Variants in AQP7B observed in about 807,000 individuals in gnomAD.
AQP7B encodes aquaporin 7B.
At chr2:94,599,661 C>G in the AQP7B span, among the ~76,000 whole-genome samples, 1 of 152,048 alleles carries the variant, frequency 6.6e-6, no homozygotes. Flanking sequence ...TATTCAGGTA[C>G]TTTACTCTGT....
At chr2:94,596,085 G>A in the AQP7B span, among the ~76,000 whole-genome samples, 787 of 152,360 alleles carry the variant, frequency 5.2e-3, 47 homozygotes, top group East Asian at 0.13. Context: ...GACAGAGGGG[G>A]GCAGTGGTTC....
chr2:94,602,018 A>AGGGTGTGT, the AQP7B span, among the ~76,000 whole-genome samples: 1 of 139,846 alleles, frequency 7.2e-6, no homozygotes, highest in Non-Finnish European at 1.6e-5. Context: ...ATTGCGGCGG[A>AGGGTGTGT]GTGTGTGTGT....
At chr2:94,588,039 G>C in the AQP7B span, among the ~76,000 whole-genome samples, 1 of 151,984 alleles carries the variant, frequency 6.6e-6, no homozygotes, top group Non-Finnish European at 1.5e-5. Flanking sequence ...AGTTTTCAGG[G>C]CCTCATCCTG....
the AQP7B span, among the ~76,000 whole-genome samples, chr2:94,592,595 A>G: frequency 6.6e-6 from 1 of 152,122 alleles, no homozygotes; most frequent in African/African-American, 2.4e-5. Flanking sequence ...CTGGGAAGGT[A>G]CCATAGAGGC....
the AQP7B span, among the ~76,000 whole-genome samples, chr2:94,598,927 C>T: frequency 6.6e-6 from 1 of 152,098 alleles, no homozygotes; most frequent in Non-Finnish European, 1.5e-5. Context: ...CTCAGCCTCC[C>T]GAGTAGCTGG....
the AQP7B span, chr2:94,604,192 G>A: frequency 1.6e-6 from 2 of 1,286,386 alleles, no homozygotes; most frequent in Non-Finnish European, 2.1e-6. Flanking sequence ...GTAGCCTGGG[G>A]ATGACTCCTC....
At chr2:94,597,671 C>A in the AQP7B span, among the ~76,000 whole-genome samples, 3 of 142,428 alleles carry the variant, frequency 2.1e-5, no homozygotes, top group Admixed American at 1.5e-4. Flanking sequence ...GTGGTGCAAT[C>A]TCGGCTCACT....
the AQP7B span, among the ~76,000 whole-genome samples, chr2:94,599,813 C>T: frequency 1.3e-5 from 2 of 152,168 alleles, no homozygotes; most frequent in East Asian, 1.9e-4. Flanking sequence ...TTCTCTCTTC[C>T]CCGCTCCTCA....
chr2:94,592,906 C>T, the AQP7B span, among the ~76,000 whole-genome samples: 1 of 140,618 alleles, frequency 7.1e-6, no homozygotes, highest in African/African-American at 2.6e-5. Context: ...TCACTGCAAC[C>T]TCTGCCTTCT....
chr2:94,602,640 A>G, the AQP7B span: 1 of 1,567,372 alleles, frequency 6.4e-7, no homozygotes, highest in Non-Finnish European at 8.8e-7. Flanking sequence ...GGCCTACCAG[A>G]CTGGGCAAGA....
the AQP7B span, among the ~76,000 whole-genome samples, chr2:94,590,125 G>A: frequency 6.6e-6 from 1 of 152,180 alleles, no homozygotes; most frequent in African/African-American, 2.4e-5. Context: ...ACCCAAGAGT[G>A]GAGAGTGGGT....
the AQP7B span, among the ~76,000 whole-genome samples, chr2:94,592,600 A>G: frequency 6.6e-6 from 1 of 152,006 alleles, no homozygotes; most frequent in Non-Finnish European, 1.5e-5. Flanking sequence ...AAGGTACCAT[A>G]GAGGCAGGGG....
the AQP7B span, among the ~76,000 whole-genome samples, chr2:94,602,274 G>A: frequency 5.3e-5 from 8 of 151,968 alleles, no homozygotes; most frequent in East Asian, 5.9e-4. Context: ...TGCTCCACCC[G>A]GCTCTCAGTG....
chr2:94,595,942 C>G, the AQP7B span, among the ~76,000 whole-genome samples: 3 of 152,188 alleles, frequency 2.0e-5, no homozygotes, highest in Non-Finnish European at 1.5e-5. Flanking sequence ...GTTGTCAACA[C>G]TCTCTAGAAG....
chr2:94,603,949 C>T, the AQP7B span: 27 of 1,200,564 alleles, frequency 2.2e-5, no homozygotes, highest in Admixed American at 5.7e-5. Context: ...CTGCCCAGGC[C>T]CATTCCTTTG....
At chr2:94,598,228 A>G in the AQP7B span, among the ~76,000 whole-genome samples, 1 of 152,024 alleles carries the variant, frequency 6.6e-6, no homozygotes, top group Non-Finnish European at 1.5e-5. Context: ...TTAAAAATAT[A>G]TATATAGGAA....
the AQP7B span, among the ~76,000 whole-genome samples, chr2:94,595,810 G>C: frequency 6.6e-6 from 1 of 152,146 alleles, no homozygotes; most frequent in Non-Finnish European, 1.5e-5. Flanking sequence ...CCCAGCACAG[G>C]GTGAGAGGCA....
chr2:94,588,983 CTTTT>C, the AQP7B span, among the ~76,000 whole-genome samples: 2 of 135,402 alleles, frequency 1.5e-5, no homozygotes, highest in Non-Finnish European at 3.2e-5. Flanking sequence ...GTTTTTTTTT[CTTTT>C]TTTTTTTTTT....
the AQP7B span, chr2:94,604,281 C>T: frequency 9.4e-6 from 15 of 1,594,702 alleles, no homozygotes; most frequent in Admixed American, 1.7e-5. Flanking sequence ...CTGCCTCTTG[C>T]CTGCAGCGAT....
Sources: allele counts gnomAD v4.1 joint callset (sites outside exome capture counted in the v4.1 genomes callset), GRCh38; gene constraint gnomAD v4.1.1; transcripts MANE v1.5; gene names NCBI Gene and HGNC (gene_info 2026-07-23, HGNC 2026-07-21).